The following CREBZF variants were observed in gnomAD, a reference collection of about 807,000 sequenced individuals.
CREBZF encodes the protein HCF-binding transcription factor Zhangfei.
A neutral mutation model predicts 21.1 loss-of-function variants in CREBZF; 8 were observed. That is an observed-to-expected ratio of 0.38 (90% CI 0.22 to 0.68). CREBZF has a LOEUF of 0.68. CREBZF is among the 30% of genes least tolerant of loss of function. The probability of loss-of-function intolerance (pLI) is 0.51; values close to 1 mark genes in which losing one functional copy is unlikely to be tolerated. For missense variants in CREBZF, 518 were observed against 484.3 expected (o/e 1.07, Z -0.65); for synonymous variants, 270 against 223.3 (o/e 1.21, Z -1.86).
chr11:85,667,298 C>G (rs1005908178), upstream of CREBZF, among the ~76,000 whole-genome samples: 19 of 151,380 alleles, frequency 1.3e-4, no homozygotes, highest in African/African-American at 4.6e-4. Context: ...GTCTCGAACT[C>G]CTGGCCTCAG....
rs765922496 is a variant in CREBZF at position 85,663,887 on chromosome 11, T to G, written c.989A>C (p.His330Pro). 118 of 1,612,318 alleles carry G rather than the reference T, an allele frequency of 7.3e-5. No homozygotes were observed. The highest frequency in any genetic ancestry group is 9.5e-5 in the Non-Finnish European group (112 of 1,179,950). Residue 330 changes from histidine to proline, a missense_variant, in exon 1 of 1, where the codon CAT becomes CCT. This residue lies in a region of CREBZF where 114 missense variants were observed against 134.1 expected (regional missense o/e 0.85). Transcript: ENST00000527447. ...EDDSAGGVCL[H>P]VDKDKVSVEF... is the part of the protein sequence containing the mutation. ...CACCGACACCTTATCCTTGTCCACA[T>G]GGAGACAGACTCCTCCCGCCGAGTC...
chr11:85,664,871 C>T lies in CREBZF; in HGVS notation c.5G>A (p.Arg2Lys), dbSNP rs575563574. Residue 2 changes from arginine to lysine, a missense_variant, in exon 1 of 1, where the codon AGG becomes AAG. Physicochemically the swap from Arg to Lys is conservative, Grantham distance 26 (BLOSUM62 2). Around this residue, in one of 3 missense-constraint regions of CREBZF, gnomAD observed 396 missense variants for 324.4 expected, o/e 1.22. Transcript: ENST00000527447. The surrounding 1 kb of genome is among the most constrained non-coding windows in gnomAD (Gnocchi z 5.5). The stretch of plus-strand genomic sequence containing the variant: ...TGCCAGCAGCTTGGTCAGGCTATGC[C>T]TCATGAGGGCCAGCGGCGGGCCGCG... Reference protein sequence around the residue: MRHSLTKLLAAS... With the variant: MKHSLTKLLAAS... 11 of 1,490,394 alleles carry T rather than the reference C, an allele frequency of 7.4e-6. No homozygotes were observed. Among genetic ancestry groups the T allele is most frequent in the East Asian group, 4.8e-5 (2 of 41,538 alleles). 92.3% of individuals were successfully genotyped at this position (1,490,394 alleles called of 1,614,324 possible). A position where few individuals can be genotyped will look rare whatever the true frequency, so the allele number is the denominator to read the frequency against.
At chr11:85,678,265 A>G (rs993899985) in intron 1 of CREBZF, among the ~76,000 whole-genome samples, 1 of 152,166 alleles carries the variant, frequency 6.6e-6, no homozygotes, top group African/African-American at 2.4e-5. Context: ...AATTTAGTGG[A>G]AAACAGTTTT....
upstream of CREBZF, among the ~76,000 whole-genome samples, chr11:85,665,621 C>G (rs1192463574): frequency 2.6e-5 from 4 of 150,952 alleles, no homozygotes; most frequent in African/African-American, 7.3e-5. Flanking sequence ...AGAAATATCA[C>G]TATGTACCCA....
In CREBZF at chr11:85,663,735, T is replaced by A; in HGVS notation, c.*76A>T. 6.3e-7 allele frequency: 1 copy of A among 1,591,226 alleles called. No individual in the cohort carries two copies. Among genetic ancestry groups the A allele is most frequent in the South Asian group, 1.2e-5 (1 of 86,808 alleles). ...CTCTGAAATGTGTCCGGTGAAGATG[T>A]CCCACTAAGGTAAGTTTGACATGGT... is the stretch of plus-strand genomic sequence containing the variant. On this transcript the variant is annotated 3_prime_UTR_variant, in exon 1 of 1. Transcript: ENST00000527447.
intron 1 of CREBZF, among the ~76,000 whole-genome samples, chr11:85,678,945 T>TG (rs1442508998): frequency 2.1e-4 from 32 of 151,956 alleles, no homozygotes; most frequent in African/African-American, 6.3e-4. Flanking sequence ...ATGGGAATGG[T>TG]GGTGGGGGAG....
At chr11:85,672,289 C>T (rs117647563) in intron 1 of CREBZF, among the ~76,000 whole-genome samples, 5,547 of 152,324 alleles carry the variant, frequency 0.036, 155 homozygotes, top group Admixed American at 0.053. Flanking sequence ...ATTTTCTGTT[C>T]CTAGGCCTCT....
rs1297737451 is a variant in CREBZF, at chr11:85,661,120, G to A, written c.*2691C>T. On this transcript the variant is annotated 3_prime_UTR_variant, in exon 1 of 1. Coordinates refer to ENST00000527447, the MANE Select transcript of CREBZF (RefSeq NM_001039618.4). The stretch of plus-strand genomic sequence containing the variant: ...ACAAGTAGTGAATCGGACACTTTAA[G>A]ATATTGTTTACTACATACTGAAATA... 1.3e-5 allele frequency: 2 copies of A among 153,068 alleles called. No individual in the cohort carries two copies. The highest frequency in any genetic ancestry group is 1.3e-4 in the Admixed American group (2 of 15,288). The allele number at this position is 153,068 out of a possible 1,614,324, so 9.5% of individuals were successfully genotyped here.
chr11:85,670,702 A>G (rs2082906133), intron 1 of CREBZF, among the ~76,000 whole-genome samples: 1 of 152,208 alleles, frequency 6.6e-6, no homozygotes. Context: ...GCACCAGAAT[A>G]CAATGTAGTG....
At chr11:85,673,927 C>T (rs1188614333) in intron 1 of CREBZF, among the ~76,000 whole-genome samples, 2 of 152,222 alleles carry the variant, frequency 1.3e-5, no homozygotes, top group African/African-American at 4.8e-5. Flanking sequence ...ATTCCTCATC[C>T]ATTCAAGTGA....
chr11:85,662,165 G>C lies in CREBZF; in HGVS notation c.*1646C>G. The C allele has an allele frequency of 2.0e-6, 1 of 500,946 alleles. No homozygotes were observed. Among genetic ancestry groups the C allele is most frequent in the Non-Finnish European group, 3.7e-6 (1 of 266,746 alleles). The allele number at this position is 500,946 out of a possible 1,614,324, so 31.0% of individuals were successfully genotyped here. A position where few individuals can be genotyped will look rare whatever the true frequency, so the allele number is the denominator to read the frequency against. The stretch of plus-strand genomic sequence containing the variant: ...ATGCTGTGATGCACTGGAAACCAAA[G>C]ACCAATTCAGGTCTCAAATCGTATT... On this transcript the variant is annotated 3_prime_UTR_variant, in exon 1 of 1. Transcript: ENST00000527447.
Position 85,662,501 on chromosome 11 carries a change from T to TA in CREBZF, c.*1309_*1310insT. On this transcript the variant is annotated 3_prime_UTR_variant, in exon 1 of 1. Transcript: ENST00000527447. ...CAAGGATGCTAAATACGTATATACT[T>TA]TATCAAGCAGTGATGTTTCACAAAG... 1 of 703,248 alleles carries TA rather than the reference T, an allele frequency of 1.4e-6. No individual in the cohort carries two copies. The highest frequency in any genetic ancestry group is 2.1e-5 in the Admixed American group (1 of 47,826). The allele number at this position is 703,248 out of a possible 1,614,324, so 43.6% of individuals were successfully genotyped here.
rs748937747 is a variant in CREBZF, at chr11:85,663,822, GAGA to G, written c.1051_1053del (p.Ser351del). The G allele has an allele frequency of 1.2e-5, 19 of 1,599,712 alleles. No homozygotes were observed. The highest frequency in any genetic ancestry group is 1.4e-5 in the Non-Finnish European group (17 of 1,175,430). On this transcript the variant is annotated inframe_deletion, in exon 1 of 1. Coordinates refer to ENST00000527447, the MANE Select transcript of CREBZF (RefSeq NM_001039618.4). ...CAGATTACTTGACCCTACATTTTAA[GAGA>G]AGACGACGCCTTCCGGGCGCACGCC... is the stretch of plus-strand genomic sequence containing the variant.
upstream of CREBZF, among the ~76,000 whole-genome samples, chr11:85,667,160 G>C (rs181861428): frequency 5.8e-3 from 886 of 152,162 alleles, 5 homozygotes; most frequent in African/African-American, 0.02. Flanking sequence ...AGGAGTTCAA[G>C]ACCAGCCTGG....
Position 85,664,545 on chromosome 11 carries a change from G to A in CREBZF, c.331C>T (p.Leu111=), listed in dbSNP as rs1429940875. Residue 111 remains leucine (L), a synonymous_variant, in exon 1 of 1, where the codon CTG becomes TTG. Coordinates refer to ENST00000527447, the MANE Select transcript of CREBZF (RefSeq NM_001039618.4). The surrounding 1 kb of genome is among the most constrained non-coding windows in gnomAD (Gnocchi z 5.5). ...TGCCAGTCCGGTTGCCTGGGGTCCA[G>A]GAGATCCGCCAGTTCCAGCCCAGAC... is the stretch of plus-strand genomic sequence containing the variant. ...FLSGLELADL[L]DPRQPDWHLD... is the part of the protein sequence containing the mutation. 2 of 1,613,768 alleles carry A rather than the reference G, an allele frequency of 1.2e-6. No individual in the cohort carries two copies. The highest frequency in any genetic ancestry group is 2.2e-5 in the East Asian group (1 of 44,856).
At chr11:85,668,220 T>G (rs902374277), upstream of CREBZF, among the ~76,000 whole-genome samples, 1 of 152,194 alleles carries the variant, frequency 6.6e-6, no homozygotes, top group African/African-American at 2.4e-5. Context: ...TAGCTATACT[T>G]AAGTATTTAT....
intron 1 of CREBZF, among the ~76,000 whole-genome samples, chr11:85,672,330 G>T (rs919347587): frequency 1.3e-5 from 2 of 152,252 alleles, no homozygotes; most frequent in South Asian, 2.1e-4. Context: ...TGCCTCGAAG[G>T]TCTCTAAAAT....
At chr11:85,677,271 A>AT (rs2082949072) in intron 1 of CREBZF, among the ~76,000 whole-genome samples, 2 of 151,830 alleles carry the variant, frequency 1.3e-5, no homozygotes, top group East Asian at 2.0e-4. Flanking sequence ...GGCTTAAGTC[A>AT]TTTTTTTGTG....
At chr11:85,676,669 C>G (rs1004504950) in intron 1 of CREBZF, among the ~76,000 whole-genome samples, 21 of 151,790 alleles carry the variant, frequency 1.4e-4, no homozygotes, top group African/African-American at 4.6e-4. Context: ...CAGGGTGTCA[C>G]TTTGTCACCC....
Sources: gnomAD v4.1 joint callset for allele counts (sites outside exome capture counted in the v4.1 genomes callset) on GRCh38, gnomAD v4.1.1 for gene constraint, gnomAD v4.1.1 regional missense constraint, Gnocchi (gnomAD v3.1) non-coding constraint, MANE v1.5 for transcripts, NCBI Gene and HGNC (gene_info 2026-07-23, HGNC 2026-07-21) for gene names.